Variants in TNPO1 observed in about 807,000 individuals in gnomAD.
TNPO1 encodes transportin 1.
Under a neutral mutation model 119.5 loss-of-function variants are expected in TNPO1, and 8 were observed. That is an observed-to-expected ratio of 0.07 (90% confidence interval 0.04 to 0.12). The LOEUF is 0.12. TNPO1 is among the 10% of genes least tolerant of loss of function. The pLI is 1.00. For missense variants in TNPO1, 576 were observed against 1,089.8 expected, an observed-to-expected ratio of 0.53 and a Z score of 6.64; for synonymous variants, 362 against 363.0, an observed-to-expected ratio of 1.00 and a Z score of 0.03.
chr5:72,822,195 C>T (rs925980463), intron 1 of TNPO1, among the ~76,000 whole-genome samples: 1 of 152,008 alleles, frequency 6.6e-6, no homozygotes. Context: ...CACTCTACAT[C>T]GATTTAAAAG....
At chr5:72,900,224 G>A in intron 21 of TNPO1, 143 bp downstream of exon 21, 1 of 651,146 alleles carries the variant, frequency 1.5e-6, no homozygotes, top group Non-Finnish European at 2.6e-6. Context: ...TGTCCTATCA[G>A]GTTTGTGAGG....
At chr5:72,874,127 A>G (rs1747602834) in intron 7 of TNPO1, among the ~76,000 whole-genome samples, 1 of 152,152 alleles carries the variant, frequency 6.6e-6, no homozygotes, top group Non-Finnish European at 1.5e-5. Flanking sequence ...ATTTTGCTTT[A>G]CTATTAAATA....
intron 3 of TNPO1, among the ~76,000 whole-genome samples, chr5:72,851,658 A>AT (rs1745576300): frequency 1.3e-5 from 2 of 152,034 alleles, no homozygotes. Flanking sequence ...CATCCAGCTA[A>AT]TTTTTTTGTA....
At chr5:72,904,353 G>A (rs250516) in intron 23 of TNPO1, among the ~76,000 whole-genome samples, 152,321 of 152,368 alleles carry the variant, frequency 1, 76,137 homozygotes, top group Middle Eastern at 1. Flanking sequence ...TTATCTTTTC[G>A]TTAGTATGGT....
chr5:72,875,581 C>T (rs377691212), intron 7 of TNPO1, 34 bp from the exon 8 acceptor site: 2 of 1,602,904 alleles, frequency 1.2e-6, no homozygotes, highest in African/African-American at 2.7e-5. Flanking sequence ...GTAAGCCTTT[C>T]TAAAACTAGA....
At chr5:72,873,963 T>G (rs992416158) in intron 7 of TNPO1, among the ~76,000 whole-genome samples, 1 of 152,052 alleles carries the variant, frequency 6.6e-6, no homozygotes, top group East Asian at 1.9e-4. Context: ...TATTACTCTT[T>G]CACAGTTTAA....
chr5:72,891,109 C>T (rs1333162300), intron 14 of TNPO1, among the ~76,000 whole-genome samples: 1 of 151,966 alleles, frequency 6.6e-6, no homozygotes, highest in Non-Finnish European at 1.5e-5. Context: ...TCTCAAAGTG[C>T]TGGAATTACA....
intron 1 of TNPO1, among the ~76,000 whole-genome samples, chr5:72,844,493 A>G (rs1745042850): frequency 6.6e-6 from 1 of 152,256 alleles, no homozygotes; most frequent in Admixed American, 6.5e-5. Flanking sequence ...AAGTTGAGTC[A>G]TAGATAAAAT....
chr5:72,825,548 G>T lies in TNPO1; in HGVS notation c.15+8796G>T, dbSNP rs138984476. Among the ~76,000 whole-genome samples the T allele has an allele frequency of 4.8e-3, 737 of 152,270 alleles. 7 individuals carry two copies. Among genetic ancestry groups the T allele is most frequent in the African/African-American group, 0.017 (715 of 41,560 alleles). On this transcript the variant is annotated intron_variant, in intron 1 of 24. Transcript: ENST00000337273. ...TAAAAATACAAAAAATTAGCCGGGCGTGGTGGCACGTGCCTGTAGTCCCAG... is the reference window on the plus strand; with the variant it reads ...TAAAAATACAAAAAATTAGCCGGGCTTGGTGGCACGTGCCTGTAGTCCCAG...
chr5:72,865,160 G>T (rs950185775), intron 5 of TNPO1, among the ~76,000 whole-genome samples: 2 of 152,004 alleles, frequency 1.3e-5, no homozygotes, highest in African/African-American at 2.4e-5. Flanking sequence ...TTGAATATTA[G>T]AGCGGGCATG....
At chr5:72,898,939 A>G (rs1200397066) in intron 20 of TNPO1, among the ~76,000 whole-genome samples, 2 of 152,064 alleles carry the variant, frequency 1.3e-5, no homozygotes, top group African/African-American at 4.8e-5. Context: ...AACACCATTA[A>G]AGCACTTCAT....
rs1197299206 is a variant in TNPO1 at position 72,863,739 on chromosome 5, C to CAA, written c.462+1841_463-1840dup. ...TTGCACCACTGCACTCCAGCCATCT[C>CAA]AAAAAAAAAAAAAAAAAGGCTTTGG... On this transcript the variant is annotated intron_variant, in intron 5 of 24. Transcript: ENST00000337273. Among the ~76,000 whole-genome samples the CAA allele has an allele frequency of 3.9e-3, 269 of 69,632 alleles. 1 individual carries two copies. Among genetic ancestry groups the CAA allele is most frequent in the African/African-American group, 0.013 (228 of 17,336 alleles). 45.7% of individuals were successfully genotyped at this position (69,632 alleles called of 152,430 possible).
At position 72,913,054 on chromosome 5, in the gene TNPO1, CTG is replaced by C. The variant is rs1450983670; in HGVS notation, c.*4382_*4383del. On this transcript the variant is annotated 3_prime_UTR_variant, in exon 25 of 25. Coordinates refer to ENST00000337273, the MANE Select transcript of TNPO1 (RefSeq NM_002270.4). ...ATAGGCCTTGGAACATTTAAGAAAA[CTG>C]GTCTTCAGATAGTTAAGGGCTTGGG... 1.3e-5 allele frequency: 2 copies of C among 152,398 alleles called. No homozygotes were observed. The highest frequency in any genetic ancestry group is 2.9e-5 in the Non-Finnish European group (2 of 67,906). 9.4% of individuals were successfully genotyped at this position (152,398 alleles called of 1,614,324 possible).
At chr5:72,820,263 A>G (rs1743895485) in intron 1 of TNPO1, among the ~76,000 whole-genome samples, 1 of 152,228 alleles carries the variant, frequency 6.6e-6, no homozygotes, top group Non-Finnish European at 1.5e-5. Flanking sequence ...TCATACAAAA[A>G]TCAATTTCTG....
At chr5:72,892,838 A>G (rs1190518841) in intron 15 of TNPO1, among the ~76,000 whole-genome samples, 1 of 152,140 alleles carries the variant, frequency 6.6e-6, no homozygotes, top group Non-Finnish European at 1.5e-5. Context: ...GGGAGCATGA[A>G]ATGAATCTCT....
chr5:72,893,155 C>T lies in TNPO1; in HGVS notation c.1805C>T (p.Ala602Val). 1 of 1,613,790 alleles carries T rather than the reference C, an allele frequency of 6.2e-7. No individual in the cohort carries two copies. The highest frequency in any genetic ancestry group is 8.5e-7 in the Non-Finnish European group (1 of 1,179,774). Residue 602 changes from alanine (A) to valine (V), a missense_variant, in exon 16 of 25, where the codon GCC (alanine) becomes GTC (valine). Around this residue, in one of 6 missense-constraint regions of TNPO1, gnomAD observed 23 missense variants for 105.8 expected, o/e 0.22. Transcript: ENST00000337273. ...TCTTCCTAGTGCCTATCTTCAGTTGCCACAGCACTGCAGTCTGGATTCCTT... is the reference window on the plus strand; with the variant it reads ...TCTTCCTAGTGCCTATCTTCAGTTGTCACAGCACTGCAGTCTGGATTCCTT... ...FPLLECLSSV[A>V]TALQSGFLPY...
At chr5:72,835,759 C>T (rs1406265773) in intron 1 of TNPO1, among the ~76,000 whole-genome samples, 2 of 152,128 alleles carry the variant, frequency 1.3e-5, no homozygotes, top group African/African-American at 4.8e-5. Context: ...ATCCCAAGAG[C>T]CCCAGAAGTC....
At chr5:72,906,322 G>A (rs1202806865) in intron 24 of TNPO1, among the ~76,000 whole-genome samples, 2 of 93,480 alleles carry the variant, frequency 2.1e-5, no homozygotes, top group African/African-American at 9.1e-5. Context: ...TTGAGACAGA[G>A]ACTCTTTCGC....
At chr5:72,829,333 A>G (rs1744343253) in intron 1 of TNPO1, among the ~76,000 whole-genome samples, 1 of 152,200 alleles carries the variant, frequency 6.6e-6, no homozygotes, top group African/African-American at 2.4e-5. Context: ...ACAAGTTATG[A>G]TGAAAATTTG....
Sources: allele counts gnomAD v4.1 joint callset (sites outside exome capture counted in the v4.1 genomes callset), GRCh38; gene constraint gnomAD v4.1.1; regional missense constraint gnomAD v4.1.1; transcripts MANE v1.5; gene names NCBI Gene and HGNC (gene_info 2026-07-23, HGNC 2026-07-21).